Variants in ARMH3 observed in about 807,000 individuals in gnomAD.
The protein encoded by ARMH3 is armadillo like helical domain containing 3, also known as armadillo-like helical domain-containing protein 3.
Under a neutral mutation model 99.1 loss-of-function variants are expected in ARMH3, and 60 were observed. That is an observed-to-expected ratio of 0.61 (90% CI 0.49 to 0.75). The LOEUF (loss-of-function observed/expected upper bound fraction) is 0.75, where lower values mean the gene tolerates loss of function less well. Ranked by LOEUF, ARMH3 falls within the 30% of genes least tolerant of loss-of-function variation. The pLI, the probability that ARMH3 is intolerant of heterozygous loss-of-function variation, is 0.00. For missense variants in ARMH3, 679 were observed against 843.1 expected, an observed-to-expected ratio of 0.81 and a Z score of 2.41; for synonymous variants, 285 against 292.8, an observed-to-expected ratio of 0.97 and a Z score of 0.27.
At chr10:101,886,413 G>C (rs1328527360) in intron 24 of ARMH3, among the ~76,000 whole-genome samples, 1 of 149,194 alleles carries the variant, frequency 6.7e-6, no homozygotes, top group Admixed American at 6.7e-5. Flanking sequence ...GGGAGGCTGA[G>C]GCAGGAGAAT....
intron 13 of ARMH3, 121 bp downstream of exon 13, chr10:102,009,253 T>C: frequency 1.2e-6 from 1 of 849,682 alleles, no homozygotes; most frequent in Non-Finnish European, 1.9e-6. Context: ...AACTCCTTGT[T>C]ACTACCACTT....
intron 24 of ARMH3, among the ~76,000 whole-genome samples, chr10:101,865,579 C>T (rs1440931395): frequency 6.6e-6 from 1 of 152,036 alleles, no homozygotes; most frequent in East Asian, 1.9e-4. Flanking sequence ...GCCTCTGCAT[C>T]CCAGATTCAA....
chr10:101,959,741 C>G (rs757697877), intron 20 of ARMH3, among the ~76,000 whole-genome samples: 4 of 152,166 alleles, frequency 2.6e-5, no homozygotes, highest in Non-Finnish European at 5.9e-5. Context: ...CAGGCATTAG[C>G]GGAGCCAGAG....
At chr10:101,928,025 G>A (rs1843576774) in intron 23 of ARMH3, among the ~76,000 whole-genome samples, 1 of 152,232 alleles carries the variant, frequency 6.6e-6, no homozygotes, top group Admixed American at 6.5e-5. Flanking sequence ...AGTGAGCCAA[G>A]ACTGCGTCAC....
intron 22 of ARMH3, among the ~76,000 whole-genome samples, chr10:101,949,594 A>G (rs1311501411): frequency 2.6e-5 from 4 of 152,138 alleles, no homozygotes; most frequent in Non-Finnish European, 4.4e-5. Flanking sequence ...CTTCCACGAA[A>G]GTAAACTCCA....
chr10:101,957,647 C>A lies in ARMH3; in HGVS notation c.1578+3G>T. Reference sequence around the variant, plus strand: ...AAAAAGAAGTATTTGTTTTGATACTCACCATAAGGGCTAATGTAAAAATGT... The same window carrying A: ...AAAAAGAAGTATTTGTTTTGATACTAACCATAAGGGCTAATGTAAAAATGT... On this transcript the variant is annotated splice_donor_region_variant and intron_variant, in intron 21 of 25. Transcript: ENST00000370033. The A allele has an allele frequency of 1.2e-6, 2 of 1,604,246 alleles. No homozygotes were observed. Among genetic ancestry groups the A allele is most frequent in the Non-Finnish European group, 1.7e-6 (2 of 1,176,648 alleles).
At chr10:101,962,129 G>A (rs1328616829) in intron 20 of ARMH3, among the ~76,000 whole-genome samples, 2 of 152,232 alleles carry the variant, frequency 1.3e-5, no homozygotes, top group African/African-American at 4.8e-5. Context: ...CCCATTAGGT[G>A]AGCAATGGCT....
intron 11 of ARMH3, among the ~76,000 whole-genome samples, chr10:102,010,757 A>G (rs906674711): frequency 6.6e-6 from 1 of 152,186 alleles, no homozygotes; most frequent in African/African-American, 2.4e-5. Flanking sequence ...AAAGGCAGAG[A>G]TATCTGGGAG....
intron 14 of ARMH3, among the ~76,000 whole-genome samples, chr10:102,005,460 T>C (rs1221710799): frequency 6.6e-6 from 1 of 151,306 alleles, no homozygotes; most frequent in East Asian, 1.9e-4. Context: ...ACCATATATA[T>C]AACTAACAAT....
intron 2 of ARMH3, among the ~76,000 whole-genome samples, chr10:102,037,178 G>C (rs1161818901): frequency 6.8e-6 from 1 of 146,624 alleles, no homozygotes; most frequent in Non-Finnish European, 1.5e-5. Context: ...TCTGGATTTT[G>C]TTTTCTTTTT....
At chr10:101,917,520 C>T (rs947652395) in intron 23 of ARMH3, among the ~76,000 whole-genome samples, 2 of 152,176 alleles carry the variant, frequency 1.3e-5, no homozygotes, top group Non-Finnish European at 2.9e-5. Context: ...TTGGGTTGTC[C>T]ACAGTTTTGA....
At chr10:101,954,029 T>C (rs1178390845) in intron 22 of ARMH3, among the ~76,000 whole-genome samples, 1 of 151,994 alleles carries the variant, frequency 6.6e-6, no homozygotes, top group Non-Finnish European at 1.5e-5. Flanking sequence ...CTGTCTCTAC[T>C]AAAAATACAA....
chr10:101,998,614 T>C (rs550636922), intron 15 of ARMH3, among the ~76,000 whole-genome samples: 7 of 152,342 alleles, frequency 4.6e-5, no homozygotes, highest in African/African-American at 1.7e-4. Flanking sequence ...GCTCTGGCAA[T>C]TCTTCATTTC....
At chr10:101,849,718 G>A (rs2066542434) in intron 25 of ARMH3, 58 bp downstream of exon 25, 4 of 1,445,676 alleles carry the variant, frequency 2.8e-6, no homozygotes, top group Non-Finnish European at 3.9e-6. Flanking sequence ...ATAAACTGCA[G>A]AACCCAGTGG....
intron 20 of ARMH3, among the ~76,000 whole-genome samples, chr10:101,963,286 G>A (rs1160791879): frequency 1.3e-5 from 2 of 151,938 alleles, no homozygotes; most frequent in African/African-American, 4.8e-5. Flanking sequence ...GGGACTACAG[G>A]CACCTGCCAC....
At chr10:101,930,384 G>C (rs535167276) in intron 23 of ARMH3, among the ~76,000 whole-genome samples, 1 of 151,824 alleles carries the variant, frequency 6.6e-6, no homozygotes, top group Non-Finnish European at 1.5e-5. Flanking sequence ...ATACAAGAAA[G>C]AAAACTTATT....
chr10:102,008,880 T>C (rs975827496), intron 13 of ARMH3, among the ~76,000 whole-genome samples: 3 of 152,152 alleles, frequency 2.0e-5, no homozygotes, highest in Non-Finnish European at 4.4e-5. Context: ...CTCAGTATTC[T>C]ATGACTTCCT....
chr10:102,003,680 A>C (rs1200171427), intron 14 of ARMH3, among the ~76,000 whole-genome samples: 1 of 152,228 alleles, frequency 6.6e-6, no homozygotes, highest in African/African-American at 2.4e-5. Flanking sequence ...TGTATTCATA[A>C]CCATAACAGA....
At chr10:101,862,443 G>A (rs1040908885) in intron 24 of ARMH3, among the ~76,000 whole-genome samples, 1 of 152,130 alleles carries the variant, frequency 6.6e-6, no homozygotes, top group Non-Finnish European at 1.5e-5. Context: ...TGGCCGTAGT[G>A]GCGCATGCCT....
Sources: gnomAD v4.1 joint callset for allele counts (sites outside exome capture counted in the v4.1 genomes callset) on GRCh38, gnomAD v4.1.1 for gene constraint, MANE v1.5 for transcripts, NCBI Gene and HGNC (gene_info 2026-07-23, HGNC 2026-07-21) for gene names.